The following ACSL4 variants were observed in gnomAD, a reference collection of about 807,000 sequenced individuals.
The protein encoded by ACSL4 is acyl-CoA synthetase long chain family member 4.
Under a neutral mutation model 49.1 loss-of-function variants are expected in ACSL4, and 9 were observed. That is an observed-to-expected ratio of 0.18 (90% confidence interval 0.11 to 0.32). The LOEUF (loss-of-function observed/expected upper bound fraction) is 0.32, where lower values mean the gene tolerates loss of function less well. ACSL4 is among the 10% of genes least tolerant of loss of function. The pLI, the probability that ACSL4 is intolerant of heterozygous loss-of-function variation, is 1.00. For missense variants in ACSL4, 333 were observed against 493.7 expected (o/e 0.67, Z 3.08); for synonymous variants, 191 against 170.3 (o/e 1.12, Z -0.95).
chrX:109,668,257 C>T lies in ACSL4; in HGVS notation c.1159G>A (p.Val387Ile). The stretch of plus-strand genomic sequence containing the variant: ...ACATTCCCTCCCAGCAGGGCCTTGA[C>T]CTTTTTAAACAGTAACCTTAATAAA... The part of the protein sequence containing the change: ...PLCNLLLFKK[V>I]KALLGGNVRM... Residue 387 changes from valine to isoleucine, a missense_variant, in exon 11 of 16, where the codon GTC (valine) becomes ATC (isoleucine). Transcript: ENST00000672401. 1 of 1,201,901 alleles carries T rather than the reference C, an allele frequency of 8.3e-7. No homozygotes were observed. The highest frequency in any genetic ancestry group is 1.1e-6 in the Non-Finnish European group (1 of 889,349).
intron 1 of ACSL4, among the ~76,000 whole-genome samples, chrX:109,700,207 C>CA (rs748667601): frequency 0.041 from 639 of 15,594 alleles, 12 homozygotes; most frequent in African/African-American, 0.067. Flanking sequence ...GACTCCGTCT[C>CA]AAAAAAAAAA....
rs919120551 is a variant in ACSL4, at chrX:109,677,969, A to G, written c.930+19T>C. 1.7e-6 allele frequency: 2 copies of G among 1,210,653 alleles called. No homozygotes were observed. Among genetic ancestry groups the G allele is most frequent in the Non-Finnish European group, 2.2e-6 (2 of 894,715 alleles). Reference sequence around the variant, plus strand: ...TGCAGCATCATACGATCATGCCAATATACTGAAAAGTTTGTCACCTGGTCA... The same window carrying G: ...TGCAGCATCATACGATCATGCCAATGTACTGAAAAGTTTGTCACCTGGTCA... On this transcript the variant is annotated intron_variant, in intron 8 of 15. Coordinates refer to ENST00000672401, the MANE Select transcript of ACSL4 (RefSeq NM_001318510.2).
intron 15 of ACSL4, among the ~76,000 whole-genome samples, chrX:109,657,721 G>A (rs1450892625): frequency 9.0e-6 from 1 of 111,494 alleles, no homozygotes; most frequent in Non-Finnish European, 1.9e-5. Context: ...ATAATCCTTT[G>A]GGTATATACC....
intron 1 of ACSL4, among the ~76,000 whole-genome samples, chrX:109,704,455 A>G (rs1926201387): frequency 9.0e-6 from 1 of 111,720 alleles, no homozygotes. Flanking sequence ...CTCCCCCATG[A>G]TTAGTATGAA....
In ACSL4 at chrX:109,668,228, G is replaced by A. The variant is rs1922847589; in HGVS notation, c.1188C>T (p.Arg396=). 2 of 1,206,224 alleles carry A rather than the reference G, an allele frequency of 1.7e-6. No homozygotes were observed. The highest frequency in any genetic ancestry group is 1.1e-6 in the Non-Finnish European group (1 of 892,996). Residue 396 remains arginine, a synonymous_variant, in exon 11 of 16, where the codon CGC becomes CGT. Transcript: ENST00000672401. ...KVKALLGGNV[R]MMLSGGAPLS... Reference sequence around the variant, plus strand: ...GCGGGGCCCCTCCAGACAGCATCATGCGGACATTCCCTCCCAGCAGGGCCT... The same window carrying A: ...GCGGGGCCCCTCCAGACAGCATCATACGGACATTCCCTCCCAGCAGGGCCT...
At chrX:109,695,683 G>A (rs1003567740) in intron 2 of ACSL4, 2 of 111,007 alleles carry the variant, frequency 1.8e-5, no homozygotes, top group Non-Finnish European at 3.8e-5. Flanking sequence ...GGAAGACAGA[G>A]CGAGACTCTG....
intron 2 of ACSL4, among the ~76,000 whole-genome samples, chrX:109,686,678 A>T (rs1473308765): frequency 9.0e-6 from 1 of 111,371 alleles, no homozygotes; most frequent in African/African-American, 3.3e-5. Context: ...TGTTACATAA[A>T]TTTAATCTTT....
intron 11 of ACSL4, among the ~76,000 whole-genome samples, chrX:109,666,629 G>A (rs1756870746): frequency 9.0e-6 from 1 of 111,649 alleles, no homozygotes; most frequent in Non-Finnish European, 1.9e-5. Context: ...AGGCTGTTAG[G>A]TCAGGGCAGG....
intron 1 of ACSL4, among the ~76,000 whole-genome samples, chrX:109,711,307 C>T (rs925080881): frequency 8.9e-6 from 1 of 112,036 alleles, no homozygotes; most frequent in African/African-American, 3.2e-5. Flanking sequence ...TAGTACCAGA[C>T]ACAGACCATT....
chrX:109,727,706 TG>T (rs1928122744), intron 1 of ACSL4, among the ~76,000 whole-genome samples: 1 of 100,157 alleles, frequency 1.0e-5, no homozygotes, highest in East Asian at 3.2e-4. Flanking sequence ...TGTGTGTGTG[TG>T]TGTAATCAAC....
chrX:109,730,926 A>G (rs1928389525), intron 1 of ACSL4, among the ~76,000 whole-genome samples: 2 of 111,720 alleles, frequency 1.8e-5, no homozygotes, highest in African/African-American at 6.5e-5. Context: ...TCGGCCTCCC[A>G]AAGTGCTAGG....
intron 8 of ACSL4, among the ~76,000 whole-genome samples, chrX:109,675,373 T>G (rs1470085436): frequency 8.9e-6 from 1 of 112,789 alleles, no homozygotes; most frequent in African/African-American, 3.2e-5. Flanking sequence ...ATGACAATAT[T>G]GCTATCATCA....
chrX:109,646,379 A>G, intron 15 of ACSL4, among the ~76,000 whole-genome samples: 1 of 111,705 alleles, frequency 9.0e-6, no homozygotes, highest in Admixed American at 9.5e-5. Flanking sequence ...ACATTCTTAA[A>G]GAAAAGAATT....
In ACSL4 at chrX:109,644,886, G is replaced by A. The variant is rs755178401; in HGVS notation, c.1856-700C>T. Among the ~76,000 whole-genome samples, 192 of 113,233 alleles carry A rather than the reference G, an allele frequency of 1.7e-3. 2 individuals are homozygous for A. The highest frequency in any genetic ancestry group is 1.7e-3 in the Non-Finnish European group (93 of 53,374). On this transcript the variant is annotated intron_variant, in intron 15 of 15. Transcript: ENST00000672401. ...CACTCGGGAAGCACAAGGGGTCAGG[G>A]AGTTCCCTTTCCTAGTCAAAGAAAC...
chrX:109,683,186 T>C lies in ACSL4; in HGVS notation c.178A>G (p.Ile60Val). The change falls in exon 3 of 16, where the codon ATC (isoleucine) becomes GTC (valine). Residue 60 changes from isoleucine to valine, a missense_variant. This residue lies in a region of ACSL4 where 157 missense variants were observed against 201.1 expected (regional missense o/e 0.78). Coordinates refer to ENST00000672401, the MANE Select transcript of ACSL4 (RefSeq NM_001318510.2). ...TGCATTTCATTTTCTTCACTTAGGA[T>C]TTCCCTGGTCCCAAGGCTGTCCTTC... ...GKKDSLGTRE[I>V]LSEENEMQPN... 8.3e-7 allele frequency: 1 copy of C among 1,211,860 alleles called. No individual in the cohort carries two copies. Among genetic ancestry groups the C allele is most frequent in the East Asian group, 3.0e-5 (1 of 33,853 alleles).
intron 8 of ACSL4, among the ~76,000 whole-genome samples, chrX:109,675,877 G>A (rs976054992): frequency 8.9e-6 from 1 of 111,909 alleles, no homozygotes; most frequent in African/African-American, 3.2e-5. Context: ...GCTATCAATC[G>A]GATAGTGTAT....
chrX:109,660,809 C>G (rs967070452), intron 14 of ACSL4, among the ~76,000 whole-genome samples: 4 of 111,520 alleles, frequency 3.6e-5, no homozygotes, highest in South Asian at 7.5e-4. Flanking sequence ...GGACATTATA[C>G]TAAGGGAATT....
At chrX:109,723,814 G>A (rs1455089132) in intron 1 of ACSL4, among the ~76,000 whole-genome samples, 2 of 112,666 alleles carry the variant, frequency 1.8e-5, no homozygotes. Context: ...TCAGCAAAGA[G>A]TTATACATGT....
At chrX:109,710,686 C>T (rs1366149671) in intron 1 of ACSL4, among the ~76,000 whole-genome samples, 1 of 111,880 alleles carries the variant, frequency 8.9e-6, no homozygotes, top group Non-Finnish European at 1.9e-5. Context: ...TATGTTCACC[C>T]TTTAACTAAT....
Sources: gnomAD v4.1 joint callset for allele counts (sites outside exome capture counted in the v4.1 genomes callset) on GRCh38, gnomAD v4.1.1 for gene constraint, gnomAD v4.1.1 regional missense constraint, MANE v1.5 for transcripts, NCBI Gene and HGNC (gene_info 2026-07-23, HGNC 2026-07-21) for gene names.